The following PTPN13 variants were observed in gnomAD, a reference collection of about 807,000 sequenced individuals.
PTPN13 encodes the protein protein tyrosine phosphatase non-receptor type 13.
In PTPN13, 191 loss-of-function variants were observed where a neutral mutation model predicts 284.0. The observed-to-expected ratio is 0.67, with a 90% confidence interval of 0.60 to 0.76. PTPN13 has a LOEUF of 0.76. Among genes scored for constraint, PTPN13 ranks in the 30% least tolerant of loss-of-function variants. PTPN13 has a pLI of 0.00. For missense variants in PTPN13, 2,797 were observed against 2,939.9 expected (o/e 0.95, Z 1.12); for synonymous variants, 986 against 1,022.3 (o/e 0.96, Z 0.68).
At chr4:86,602,509 A>G (rs192968983) in intron 1 of PTPN13, among the ~76,000 whole-genome samples, 3 of 152,096 alleles carry the variant, frequency 2.0e-5, no homozygotes, top group Non-Finnish European at 2.9e-5. Context: ...TACAGGTAAT[A>G]TATGAACTTA....
chr4:86,735,568 G>A (rs374537432), intron 14 of PTPN13, 26 bp from the exon 15 acceptor site: 17 of 1,599,274 alleles, frequency 1.1e-5, no homozygotes, highest in Non-Finnish European at 1.4e-5. Flanking sequence ...GCAAACAATT[G>A]CTTATGAAAA....
chr4:86,619,298 A>G (rs952742619), intron 1 of PTPN13, among the ~76,000 whole-genome samples: 2 of 152,218 alleles, frequency 1.3e-5, no homozygotes, highest in African/African-American at 4.8e-5. Flanking sequence ...CAAATCACAG[A>G]TGAAACATTA....
chr4:86,783,386 T>G (rs1741546502), intron 37 of PTPN13, among the ~76,000 whole-genome samples: 1 of 152,130 alleles, frequency 6.6e-6, no homozygotes, highest in African/African-American at 2.4e-5. Context: ...TCTAGTAATA[T>G]TCACACTGTA....
chr4:86,780,553 A>G (rs1245534968), intron 36 of PTPN13, 81 bp downstream of exon 36: 2 of 920,058 alleles, frequency 2.2e-6, no homozygotes, highest in African/African-American at 3.3e-5. Flanking sequence ...AAACAGGTTG[A>G]CAATTTCTTA....
chr4:86,600,432 C>CTTTTTTT (rs10588960), intron 1 of PTPN13, among the ~76,000 whole-genome samples: 1 of 50,414 alleles, frequency 2.0e-5, no homozygotes, highest in Non-Finnish European at 3.6e-5. Context: ...TACATAACCA[C>CTTTTTTT]TTTTTTTTTT....
At chr4:86,659,187 T>C in intron 2 of PTPN13, among the ~76,000 whole-genome samples, 1 of 152,248 alleles carries the variant, frequency 6.6e-6, no homozygotes, top group Admixed American at 6.5e-5. Context: ...TGAAAAGAGA[T>C]AGATGAAATT....
Position 86,722,249 on chromosome 4 carries a change from A to T in PTPN13, c.1423A>T (p.Asn475Tyr), listed in dbSNP as rs1386339281. The change falls in exon 10 of 48, where the codon AAT becomes TAT. Residue 475 changes from asparagine (N) to tyrosine (Y), a missense_variant. Asn to Tyr is a moderately radical substitution (Grantham distance 143). Coordinates refer to ENST00000411767, the MANE Select transcript of PTPN13 (RefSeq NM_080683.3). ...AACACCCTTTGAAGGCAACTTAATT[A>T]ATCAAGAGATCATGCTAAAACGGCA... ...YETPFEGNLINQEIMLKRQEE... is the reference protein window; with the variant it reads ...YETPFEGNLIYQEIMLKRQEE... The T allele has an allele frequency of 6.2e-7, 1 of 1,613,722 alleles. No individual in the cohort carries two copies. The highest frequency in any genetic ancestry group is 1.3e-5 in the African/African-American group (1 of 74,904).
chr4:86,635,631 A>G (rs1722933578), intron 2 of PTPN13, among the ~76,000 whole-genome samples: 1 of 152,144 alleles, frequency 6.6e-6, no homozygotes, highest in East Asian at 1.9e-4. Flanking sequence ...AGTTCTTCTC[A>G]GTTTAGAGCT....
rs749942639 is a variant in PTPN13, at chr4:86,785,237, A to G, written c.6125A>G (p.Tyr2042Cys). ...TAAATTATTATTTTTCAAGAATCTT[A>G]TATACAAGAAGATGACATTTATGAT... Reference protein sequence around the residue: ...SPNLTLPKESYIQEDDIYDDS... With the variant: ...SPNLTLPKESCIQEDDIYDDS... The change falls in exon 39 of 48, where the codon TAT becomes TGT. Residue 2042 changes from tyrosine (Y) to cysteine (C), a missense_variant. Tyr to Cys is a radical substitution (Grantham distance 194). Coordinates refer to ENST00000411767, the MANE Select transcript of PTPN13 (RefSeq NM_080683.3). 7.9e-5 allele frequency: 121 copies of G among 1,535,138 alleles called. No homozygotes were observed. Among genetic ancestry groups the G allele is most frequent in the Middle Eastern group, 1.7e-4 (1 of 5,914 alleles).
intron 42 of PTPN13, among the ~76,000 whole-genome samples, chr4:86,801,403 A>T (rs911498688): frequency 6.6e-6 from 1 of 152,218 alleles, no homozygotes; most frequent in African/African-American, 2.4e-5. Context: ...ATTAAATTTG[A>T]TAATTTTTTG....
At chr4:86,779,952 T>A (rs1008333400) in intron 35 of PTPN13, among the ~76,000 whole-genome samples, 1 of 152,226 alleles carries the variant, frequency 6.6e-6, no homozygotes, top group African/African-American at 2.4e-5. Context: ...TTCTAAGTTA[T>A]CTTTAAACTA....
At chr4:86,664,028 AGT>A (rs1354635659) in intron 2 of PTPN13, among the ~76,000 whole-genome samples, 1 of 152,170 alleles carries the variant, frequency 6.6e-6, no homozygotes, top group Non-Finnish European at 1.5e-5. Context: ...TAATGAGAGC[AGT>A]GGTTTTCATT....
chr4:86,680,031 C>G (rs1270199675), intron 3 of PTPN13, among the ~76,000 whole-genome samples: 1 of 152,122 alleles, frequency 6.6e-6, no homozygotes, highest in Non-Finnish European at 1.5e-5. Flanking sequence ...GGTGCCTTAT[C>G]TATATGGTGT....
At chr4:86,690,447 TAG>T (rs1729901792) in intron 5 of PTPN13, 1 of 152,172 alleles carries the variant, frequency 6.6e-6, no homozygotes, top group South Asian at 2.1e-4. Context: ...TTTAATATAC[TAG>T]ACTATATTAC....
At chr4:86,653,886 G>A (rs941356756) in intron 2 of PTPN13, among the ~76,000 whole-genome samples, 3 of 152,156 alleles carry the variant, frequency 2.0e-5, no homozygotes, top group African/African-American at 4.8e-5. Flanking sequence ...GTGCAGATAC[G>A]AATATTTAAC....
chr4:86,704,180 G>A (rs1451032853), intron 7 of PTPN13, among the ~76,000 whole-genome samples: 4 of 151,952 alleles, frequency 2.6e-5, no homozygotes, highest in Non-Finnish European at 1.5e-5. Context: ...GCGAAACTCC[G>A]TCTCAAATAA....
chr4:86,803,696 G>A lies in PTPN13; in HGVS notation c.6506-13G>A. 6.2e-7 allele frequency: 1 copy of A among 1,611,836 alleles called. No homozygotes were observed. The highest frequency in any genetic ancestry group is 8.5e-7 in the Non-Finnish European group (1 of 1,178,490). Reference sequence around the variant, plus strand: ...CTGGAGGAACTGTTTTTAAATTGCTGTCTTCCTATTAGATCATTCCTTTCT... The same window carrying A: ...CTGGAGGAACTGTTTTTAAATTGCTATCTTCCTATTAGATCATTCCTTTCT... On this transcript the variant is annotated splice_polypyrimidine_tract_variant and intron_variant, in intron 42 of 47. Coordinates refer to ENST00000411767, the MANE Select transcript of PTPN13 (RefSeq NM_080683.3).
chr4:86,633,418 A>G (rs550519280), intron 1 of PTPN13, among the ~76,000 whole-genome samples: 19 of 152,128 alleles, frequency 1.2e-4, no homozygotes, highest in African/African-American at 4.6e-4. Context: ...TGTGCCCTCC[A>G]CTAACTCCAG....
At position 86,595,845 on chromosome 4, in the gene PTPN13, T is replaced by TGGG. The variant is rs370168035; in HGVS notation, c.-6+1063_-6+1065dup. Reference sequence around the variant, plus strand: ...TATATCTAGAAAGTTTACTAAAGGATGGGGGGGGGAGTAAAAGTGCATGTA... The same window carrying TGGG: ...TATATCTAGAAAGTTTACTAAAGGATGGGGGGGGGGGGAGTAAAAGTGCATGTA... On this transcript the variant is annotated intron_variant, in intron 1 of 47. Transcript: ENST00000411767. 7.3e-6 allele frequency: 5 copies of TGGG among 689,156 alleles called. No individual in the cohort carries two copies. The African/African-American group carries it at 7.9e-5, about 11-fold the overall frequency. The allele number at this position is 689,156 out of a possible 1,614,324, so 42.7% of individuals were successfully genotyped here.
Sources: allele counts gnomAD v4.1 joint callset (sites outside exome capture counted in the v4.1 genomes callset), GRCh38; gene constraint gnomAD v4.1.1; transcripts MANE v1.5; gene names NCBI Gene and HGNC (gene_info 2026-07-23, HGNC 2026-07-21).